CAST: variants seen among roughly 807,000 people sequenced by gnomAD.
CAST encodes MIR583 host.
Under a neutral mutation model 119.6 loss-of-function variants are expected in CAST, and 76 were observed. That is an observed-to-expected ratio of 0.64 (90% CI 0.53 to 0.77). CAST has a LOEUF of 0.77. Ranked by LOEUF, CAST falls within the 30% of genes least tolerant of loss-of-function variation. The pLI, the probability that CAST is intolerant of heterozygous loss-of-function variation, is 0.00. For synonymous variants in CAST, 319 were observed against 331.6 expected (o/e 0.96, Z 0.41); for missense variants, 953 against 946.5 (o/e 1.01, Z -0.09).
the CAST span, among the ~76,000 whole-genome samples, chr5:96,001,923 C>A: frequency 6.6e-6 from 1 of 152,256 alleles, no homozygotes; most frequent in East Asian, 1.9e-4. Flanking sequence ...GCTTTTCAGA[C>A]AAGAGGAGTC....
At chr5:96,415,731 C>T in the CAST span, among the ~76,000 whole-genome samples, 1 of 152,130 alleles carries the variant, frequency 6.6e-6, no homozygotes, top group East Asian at 1.9e-4. Flanking sequence ...TTAGCAAGCA[C>T]TCAATAACAA....
At chr5:95,985,286 C>T in the CAST span, among the ~76,000 whole-genome samples, 1 of 152,110 alleles carries the variant, frequency 6.6e-6, no homozygotes, top group Non-Finnish European at 1.5e-5. Flanking sequence ...TGTACTCCAG[C>T]CTGGGCAACA....
chr5:96,422,046 A>G, the CAST span: 5 of 757,986 alleles, frequency 6.6e-6, no homozygotes, highest in East Asian at 5.0e-5. Context: ...CTCTTACCCT[A>G]TGCCTTCCCA....
At chr5:96,200,365 G>T in the CAST span, among the ~76,000 whole-genome samples, 1 of 152,092 alleles carries the variant, frequency 6.6e-6, no homozygotes, top group African/African-American at 2.4e-5. Context: ...TCAGAATCCA[G>T]AATTCAAACC....
At chr5:96,185,038 C>T in the CAST span, among the ~76,000 whole-genome samples, 3,758 of 152,194 alleles carry the variant, frequency 0.025, 167 homozygotes, top group African/African-American at 0.085. Flanking sequence ...TTTTAATAAT[C>T]GCCATTCTGA....
At chr5:96,615,936 A>C (rs548017793) in intron 1 of CAST, among the ~76,000 whole-genome samples, 1 of 152,262 alleles carries the variant, frequency 6.6e-6, no homozygotes, top group African/African-American at 2.4e-5. Context: ...TGAGTCCCAA[A>C]ACTGAAGAAC....
the CAST span, among the ~76,000 whole-genome samples, chr5:96,473,631 A>G: frequency 6.6e-6 from 1 of 152,186 alleles, no homozygotes; most frequent in Non-Finnish European, 1.5e-5. Context: ...GAGCCTGACT[A>G]TATCGGGAAA....
At chr5:96,181,965 C>T in the CAST span, among the ~76,000 whole-genome samples, 1 of 152,160 alleles carries the variant, frequency 6.6e-6, no homozygotes, top group Admixed American at 6.5e-5. Flanking sequence ...GTTTTCAAAA[C>T]AGCATTTTTC....
the CAST span, among the ~76,000 whole-genome samples, chr5:96,473,762 T>G: frequency 6.6e-6 from 1 of 152,324 alleles, no homozygotes; most frequent in South Asian, 2.1e-4. Flanking sequence ...TGAGTACAAC[T>G]GACTGGGCGC....
chr5:96,540,342 C>G (rs1012137198), intron 1 of CAST, among the ~76,000 whole-genome samples: 1 of 151,932 alleles, frequency 6.6e-6, no homozygotes, highest in Non-Finnish European at 1.5e-5. Flanking sequence ...TTTTCCTTAT[C>G]GCACATTTCT....
the CAST span, among the ~76,000 whole-genome samples, chr5:96,422,919 C>A: frequency 6.9e-6 from 1 of 144,988 alleles, no homozygotes; most frequent in Non-Finnish European, 1.5e-5. Context: ...TATAATTTTA[C>A]AATGTCAGGG....
the CAST span, among the ~76,000 whole-genome samples, chr5:96,375,683 G>A: frequency 6.6e-6 from 1 of 151,632 alleles, no homozygotes. Context: ...TTAAGTAAAG[G>A]AGATTACCTT....
the CAST span, among the ~76,000 whole-genome samples, chr5:96,353,438 C>A: frequency 1.3e-5 from 2 of 152,166 alleles, no homozygotes; most frequent in African/African-American, 4.8e-5. Context: ...GTCAACTTGA[C>A]TGGGTTGCAG....
intron 1 of CAST, among the ~76,000 whole-genome samples, chr5:96,597,895 G>T (rs1204474594): frequency 6.6e-6 from 1 of 151,538 alleles, no homozygotes; most frequent in Non-Finnish European, 1.5e-5. Flanking sequence ...GATCTGGAGG[G>T]GTGGAAGAAG....
intron 1 of CAST, among the ~76,000 whole-genome samples, chr5:96,648,039 T>C (rs1561438937): frequency 6.6e-6 from 1 of 152,174 alleles, no homozygotes; most frequent in Non-Finnish European, 1.5e-5. Context: ...CTGGAAAGAG[T>C]AACTGCTTTT....
the CAST span, among the ~76,000 whole-genome samples, chr5:96,246,187 CT>C: frequency 7.2e-4 from 55 of 76,410 alleles, 4 homozygotes; most frequent in African/African-American, 2.3e-3. Flanking sequence ...GTCTGTCTTC[CT>C]TTTTTTTTTT....
the CAST span, among the ~76,000 whole-genome samples, chr5:96,314,296 T>G: frequency 1.3e-5 from 2 of 152,228 alleles, no homozygotes; most frequent in African/African-American, 2.4e-5. Context: ...ACCAATTTTC[T>G]TTTCATCCTT....
At chr5:96,097,114 CT>C in the CAST span, among the ~76,000 whole-genome samples, 1 of 152,120 alleles carries the variant, frequency 6.6e-6, no homozygotes, top group Non-Finnish European at 1.5e-5. Flanking sequence ...ATAATTGAGC[CT>C]TTCCAAAGAA....
intron 1 of CAST, among the ~76,000 whole-genome samples, chr5:96,569,874 A>G (rs79908820): frequency 0.022 from 3,401 of 152,338 alleles, 80 homozygotes; most frequent in Admixed American, 0.075. Flanking sequence ...CCTGTGAGTC[A>G]GTAAACTATA....
Sources: gnomAD v4.1 joint callset for allele counts (sites outside exome capture counted in the v4.1 genomes callset) on GRCh38, gnomAD v4.1.1 for gene constraint, MANE v1.5 for transcripts, NCBI Gene and HGNC (gene_info 2026-07-23, HGNC 2026-07-21) for gene names.